PARVG: variants seen among roughly 807,000 people sequenced by gnomAD.
PARVG encodes the protein gamma-parvin.
PARVG carries 36 observed loss-of-function variants against 44.4 expected under a neutral mutation model. The observed-to-expected ratio is 0.81, with a 90% CI of 0.62 to 1.07. PARVG has a LOEUF of 1.07. PARVG is among the 50% of genes least tolerant of loss of function. PARVG has a pLI of 0.00. For synonymous variants in PARVG, 170 were observed against 174.1 expected, an observed-to-expected ratio of 0.98 and a Z score of 0.19; for missense variants, 407 against 407.4, an observed-to-expected ratio of 1.00 and a Z score of 0.01.
In PARVG at chr22:44,182,047, G is replaced by C; in HGVS notation, c.-13+130G>C. The C allele has an allele frequency of 1.3e-6, 1 of 758,734 alleles. No homozygotes were observed. Among genetic ancestry groups the C allele is most frequent in the Non-Finnish European group, 1.6e-6 (1 of 622,904 alleles). The allele number at this position is 758,734 out of a possible 1,614,324, so 47.0% of individuals were successfully genotyped here. A position where few individuals can be genotyped will look rare whatever the true frequency, so the allele number is the denominator to read the frequency against. ...CCACCCGGGGAAGGGAGTCGGTAAA[G>C]TGGGACCTTGAGTCCCCACGGCCCC... On this transcript the variant is annotated intron_variant, in intron 2 of 13. Coordinates refer to ENST00000444313, the MANE Select transcript of PARVG (RefSeq NM_022141.7). This position sits in a 1 kb window ranked among gnomAD's most constrained non-coding sequence, Gnocchi z 4.6.
At chr22:44,191,899 T>A in intron 7 of PARVG, 150 bp from the exon 8 acceptor site, 2 of 837,784 alleles carry the variant, frequency 2.4e-6, no homozygotes, top group East Asian at 2.6e-5. Context: ...GGCAGACACA[T>A]CCCCAACCTC....
At chr22:44,184,741 A>C (rs2054438486) in intron 3 of PARVG, 1 of 152,238 alleles carries the variant, frequency 6.6e-6, no homozygotes, top group South Asian at 2.1e-4. Context: ...AGCTTGGTCC[A>C]GAGTCACCTG....
At chr22:44,187,504 C>T (rs561805401) in intron 4 of PARVG, 3 of 528,256 alleles carry the variant, frequency 5.7e-6, no homozygotes, top group African/African-American at 5.7e-5. Flanking sequence ...TATGGTAGTA[C>T]CCCACTTCCT....
At chr22:44,203,062 C>G (rs1389554109) in intron 12 of PARVG, among the ~76,000 whole-genome samples, 1 of 152,120 alleles carries the variant, frequency 6.6e-6, no homozygotes, top group Admixed American at 6.5e-5. Context: ...AGCTCTGGAG[C>G]CAGGGTCAGC....
intron 1 of PARVG, among the ~76,000 whole-genome samples, chr22:44,174,485 TC>T (rs1349395062): frequency 6.6e-6 from 1 of 151,666 alleles, no homozygotes; most frequent in Non-Finnish European, 1.5e-5. Flanking sequence ...GGTGGGCTGA[TC>T]ACTTGAGGCT....
At chr22:44,195,379 C>T (rs2054604616) in intron 9 of PARVG, among the ~76,000 whole-genome samples, 1 of 152,204 alleles carries the variant, frequency 6.6e-6, no homozygotes, top group South Asian at 2.1e-4. Context: ...TGCTTAGAGT[C>T]ACACAGCTGC....
chr22:44,193,146 G>A (rs1379192221), intron 8 of PARVG, among the ~76,000 whole-genome samples: 3 of 152,162 alleles, frequency 2.0e-5, no homozygotes, highest in Admixed American at 1.3e-4. Context: ...GAGGGCTGTG[G>A]TTAGAGAGAC....
At chr22:44,181,468 C>T in intron 1 of PARVG, 1 of 887,714 alleles carries the variant, frequency 1.1e-6, no homozygotes, top group Middle Eastern at 5.7e-4. Flanking sequence ...GGGTGGAGGC[C>T]AGGCTGACAG....
In PARVG at chr22:44,187,693, C is replaced by T. The variant is rs78365179; in HGVS notation, c.145-83C>T. The T allele has an allele frequency of 8.5e-4, 1,106 of 1,301,662 alleles. 8 individuals carry two copies. The African/African-American group carries it at 0.015, about 17-fold the overall frequency. The allele number at this position is 1,301,662 out of a possible 1,614,324, so 80.6% of individuals were successfully genotyped here. A position where few individuals can be genotyped will look rare whatever the true frequency, so the allele number is the denominator to read the frequency against. ...TGAAAGATGGGTAGGAGTTGGCAGG[C>T]GAGAGGCAGGCATTCTGAGCCAGGT... On this transcript the variant is annotated intron_variant, in intron 4 of 13. Transcript: ENST00000444313.
chr22:44,198,795 C>T, intron 12 of PARVG, 73 bp downstream of exon 12: 1 of 1,210,664 alleles, frequency 8.3e-7, no homozygotes, highest in Admixed American at 1.7e-5. Context: ...CATGACCAGT[C>T]TGTTTATTCA....
At chr22:44,204,457 G>A (rs1043232494) in intron 12 of PARVG, among the ~76,000 whole-genome samples, 3 of 152,268 alleles carry the variant, frequency 2.0e-5, no homozygotes, top group African/African-American at 4.8e-5. Flanking sequence ...TGACTTGTCC[G>A]AGGTCAGACA....
At chr22:44,196,440 C>G in intron 11 of PARVG, 25 bp downstream of exon 11, 1 of 1,613,268 alleles carries the variant, frequency 6.2e-7, no homozygotes, top group South Asian at 1.1e-5. Context: ...GCGGCGTCCC[C>G]AGGCAGGGCA....
chr22:44,196,593 C>G (rs918413614), intron 11 of PARVG, among the ~76,000 whole-genome samples, 178 bp downstream of exon 11: 1 of 134,372 alleles, frequency 7.4e-6, no homozygotes, highest in African/African-American at 2.8e-5. Context: ...TCACCAGGGA[C>G]ATGGTGGGAT....
At position 44,190,624 on chromosome 22, in the gene PARVG, C is replaced by G. The variant is rs751713062; in HGVS notation, c.462C>G (p.Leu154=). ...TGGCCAAGCGCTTCCAGCCCGACCTCTCCCTCCCAACCAACGTCCAGGTGG... is the reference window on the plus strand; with the variant it reads ...TGGCCAAGCGCTTCCAGCCCGACCTGTCCCTCCCAACCAACGTCCAGGTGG... ...VALAKRFQPD[L]SLPTNVQVEV... is the part of the protein sequence containing the mutation. Residue 154 remains leucine, a synonymous_variant, in exon 7 of 14, where the codon CTC becomes CTG. Coordinates refer to ENST00000444313, the MANE Select transcript of PARVG (RefSeq NM_022141.7). 4 of 1,614,070 alleles carry G rather than the reference C, an allele frequency of 2.5e-6. No individual in the cohort carries two copies. The African/African-American group carries it at 5.3e-5, about 22-fold the overall frequency.
At position 44,194,173 on chromosome 22, in the gene PARVG, G is replaced by A. The variant is rs186838502; in HGVS notation, c.583+350G>A. ...TTTGGGCAAGTATCTTAACTTGTCCGTGCCTCAGTTTCCTCATCTATAAAA... is the reference window on the plus strand; with the variant it reads ...TTTGGGCAAGTATCTTAACTTGTCCATGCCTCAGTTTCCTCATCTATAAAA... On this transcript the variant is annotated intron_variant, in intron 9 of 13. Transcript: ENST00000444313. Among the ~76,000 whole-genome samples the A allele has an allele frequency of 1.4e-4, 21 of 152,308 alleles. No homozygotes were observed. In the East Asian group the frequency reaches 3.1e-3, roughly 22 times the overall value.
chr22:44,175,676 G>A (rs997167713), intron 1 of PARVG, among the ~76,000 whole-genome samples: 11 of 151,758 alleles, frequency 7.2e-5, no homozygotes, highest in African/African-American at 2.2e-4. Flanking sequence ...CCGCTGAGGC[G>A]TTGGGTGTGG....
chr22:44,179,047 G>A (rs1359617268), upstream of PARVG, among the ~76,000 whole-genome samples: 3 of 151,566 alleles, frequency 2.0e-5, no homozygotes, highest in Admixed American at 6.6e-5. The surrounding 1 kb of genome is among the most constrained non-coding windows in gnomAD (Gnocchi z 4.2). Flanking sequence ...AACATAAAAT[G>A]TACTGTCTTA....
chr22:44,182,674 G>A lies in PARVG; in HGVS notation c.-12-644G>A, dbSNP rs771649029. ...AGAGGGAGGCCAGAAGGCGCCAGCC[G>A]AGCCAGCGAAGCCTTCACAGGAGAG... On this transcript the variant is annotated intron_variant, in intron 2 of 13. Coordinates refer to ENST00000444313, the MANE Select transcript of PARVG (RefSeq NM_022141.7). The surrounding 1 kb of genome is among the most constrained non-coding windows in gnomAD (Gnocchi z 4.6). Among the ~76,000 whole-genome samples, 14 of 152,204 alleles carry A rather than the reference G, an allele frequency of 9.2e-5. No individual in the cohort carries two copies. The highest frequency in any genetic ancestry group is 7.7e-4 in the East Asian group (4 of 5,186).
intron 6 of PARVG, among the ~76,000 whole-genome samples, chr22:44,189,783 G>GGT (rs1360270613): frequency 6.6e-6 from 1 of 152,162 alleles, no homozygotes; most frequent in South Asian, 2.1e-4. Flanking sequence ...TGGGCGTGGT[G>GGT]GCCGGTGCCT....
Sources: allele counts gnomAD v4.1 joint callset (sites outside exome capture counted in the v4.1 genomes callset), GRCh38; gene constraint gnomAD v4.1.1; non-coding constraint Gnocchi (gnomAD v3.1); transcripts MANE v1.5; gene names NCBI Gene and HGNC (gene_info 2026-07-23, HGNC 2026-07-21).